The following CAND1 variants were observed in gnomAD, a reference collection of about 807,000 sequenced individuals.
CAND1 encodes cullin-associated NEDD8-dissociated protein 1.
CAND1 carries 7 observed loss-of-function variants against 108.5 expected under a neutral mutation model. The ratio of observed to expected loss-of-function variants is 0.06; its 90% CI spans 0.04 to 0.12. The LOEUF (loss-of-function observed/expected upper bound fraction) is 0.12, where lower values mean the gene tolerates loss of function less well. Ranked by LOEUF, CAND1 falls within the 10% of genes least tolerant of loss-of-function variation. The pLI, the probability that CAND1 is intolerant of heterozygous loss-of-function variation, is 1.00. For missense variants in CAND1, 941 were observed against 1,448.7 expected (o/e 0.65, Z 5.69); for synonymous variants, 534 against 512.0 (o/e 1.04, Z -0.58).
chr12:67,296,087 A>T (rs2044766151), intron 4 of CAND1, among the ~76,000 whole-genome samples: 1 of 152,246 alleles, frequency 6.6e-6, no homozygotes, highest in Non-Finnish European at 1.5e-5. Context: ...GAGAATGAAT[A>T]GAAAAGCAGT....
At chr12:67,294,460 TA>T (rs1231088574) in intron 3 of CAND1, among the ~76,000 whole-genome samples, 1 of 152,168 alleles carries the variant, frequency 6.6e-6, no homozygotes, top group East Asian at 1.9e-4. Context: ...CACTGAAGTT[TA>T]AAAGGCTAGT....
At chr12:67,301,848 A>G (rs1242153550) in intron 7 of CAND1, among the ~76,000 whole-genome samples, 1 of 152,124 alleles carries the variant, frequency 6.6e-6, no homozygotes, top group Non-Finnish European at 1.5e-5. Context: ...GGGATTGGTA[A>G]CCATTCTTTT....
chr12:67,316,782 G>T lies in CAND1; in HGVS notation c.*3952G>T, dbSNP rs2045011413. The T allele has an allele frequency of 6.6e-6, 1 of 152,134 alleles. No individual in the cohort carries two copies. The allele number at this position is 152,134 out of a possible 1,614,324, so 9.4% of individuals were successfully genotyped here. The stretch of plus-strand genomic sequence containing the variant: ...GATTAGGAAGTATTGGAATTAATTT[G>T]CTATTGCCAGTAAGTAATGGTTGAT... On this transcript the variant is annotated 3_prime_UTR_variant, in exon 15 of 15. Transcript: ENST00000545606.
rs534150306 is a variant in CAND1 at position 67,269,559 on chromosome 12, G to A, written c.-159G>A. The A allele has an allele frequency of 6.7e-6, 4 of 601,274 alleles. No individual in the cohort carries two copies. The highest frequency in any genetic ancestry group is 3.2e-5 in the East Asian group (1 of 30,882). 37.2% of individuals were successfully genotyped at this position (601,274 alleles called of 1,614,324 possible). A position where few individuals can be genotyped will look rare whatever the true frequency, so the allele number is the denominator to read the frequency against. On this transcript the variant is annotated 5_prime_UTR_variant, in exon 1 of 15. Coordinates refer to ENST00000545606, the MANE Select transcript of CAND1 (RefSeq NM_018448.5). The stretch of plus-strand genomic sequence containing the variant: ...CGCCTCGCCAGGGAGGGGGCAGCCC[G>A]TCGAGGCGCCTCCCTAGTCAGCGTC...
rs752347686 is a variant in CAND1 at position 67,306,206 on chromosome 12, G to A, written c.2538G>A (p.Gly846=). 4.3e-6 allele frequency: 7 copies of A among 1,613,966 alleles called. No homozygotes were observed. The highest frequency in any genetic ancestry group is 5.9e-6 in the Non-Finnish European group (7 of 1,180,016). Residue 846 remains glycine, a synonymous_variant, in exon 10 of 15, where the codon GGG becomes GGA. Coordinates refer to ENST00000545606, the MANE Select transcript of CAND1 (RefSeq NM_018448.5). ...CTCTACTTTCTCTTGGAGAAGTTGG[G>A]CATCATATTGACTTAAGTGGACAGT... ...LLALLSLGEV[G]HHIDLSGQLE...
Position 67,297,898 on chromosome 12 carries a change from A to T in CAND1, c.854+45A>T, listed in dbSNP as rs375833000. ...ATTTTTTACAAAAAGTTTTTCCTTA[A>T]GAGTAGAATCATAAGGTCTACATTA... is the stretch of plus-strand genomic sequence containing the variant. On this transcript the variant is annotated intron_variant, in intron 6 of 14. Coordinates refer to ENST00000545606, the MANE Select transcript of CAND1 (RefSeq NM_018448.5). 13 of 1,166,688 alleles carry T rather than the reference A, an allele frequency of 1.1e-5. No homozygotes were observed. The African/African-American group carries it at 1.7e-4, about 15-fold the overall frequency. The allele number at this position is 1,166,688 out of a possible 1,614,324, so 72.3% of individuals were successfully genotyped here. A position where few individuals can be genotyped will look rare whatever the true frequency, so the allele number is the denominator to read the frequency against.
Position 67,311,795 on chromosome 12 carries a change from A to G in CAND1, c.3463A>G (p.Thr1155Ala), listed in dbSNP as rs776666461. ...LVEPLRATCT[T>A]KVKANSVKQE... The stretch of plus-strand genomic sequence containing the variant: ...TGAGCCATTACGTGCAACATGTACA[A>G]CTAAGGTAAGAAATGATAAGTATCA... Residue 1155 changes from threonine (T) to alanine (A), a missense_variant, in exon 14 of 15, where the codon ACT becomes GCT. This residue lies in a region of CAND1 where 8 missense variants were observed against 35.9 expected (regional missense o/e 0.22). Transcript: ENST00000545606. The G allele has an allele frequency of 1.3e-6, 2 of 1,588,884 alleles. No homozygotes were observed. Among genetic ancestry groups the G allele is most frequent in the Admixed American group, 3.3e-5 (2 of 59,962 alleles).
chr12:67,293,749 G>C (rs1004337234), intron 3 of CAND1, among the ~76,000 whole-genome samples: 1 of 151,642 alleles, frequency 6.6e-6, no homozygotes, highest in Non-Finnish European at 1.5e-5. Flanking sequence ...GTGAAACTCC[G>C]TGTCAAAAAA....
chr12:67,306,927 A>G (rs1242896128), intron 10 of CAND1, among the ~76,000 whole-genome samples: 1 of 152,172 alleles, frequency 6.6e-6, no homozygotes, highest in African/African-American at 2.4e-5. Context: ...ACTAATTACA[A>G]TAAGTATAAT....
chr12:67,291,802 A>T (rs917083650), intron 2 of CAND1, among the ~76,000 whole-genome samples: 5 of 152,170 alleles, frequency 3.3e-5, no homozygotes, highest in Non-Finnish European at 5.9e-5. Flanking sequence ...TGCTAAATCT[A>T]TATGTTGGAT....
At chr12:67,294,012 G>A (rs1658780) in intron 3 of CAND1, among the ~76,000 whole-genome samples, 5 of 152,122 alleles carry the variant, frequency 3.3e-5, no homozygotes, top group Middle Eastern at 3.4e-3. Context: ...TCTTTTAATC[G>A]AAAAAGGATG....
intron 13 of CAND1, chr12:67,310,656 C>G (rs2044939378): frequency 6.0e-6 from 1 of 166,068 alleles, no homozygotes; most frequent in Non-Finnish European, 1.3e-5. Flanking sequence ...TTTGGCCTGT[C>G]TTAACATTGG....
chr12:67,309,359 G>A (rs896434647), intron 11 of CAND1, among the ~76,000 whole-genome samples: 6 of 151,792 alleles, frequency 4.0e-5, no homozygotes, highest in Admixed American at 2.0e-4. Context: ...CTGTGAATTC[G>A]TGTATTTCTT....
chr12:67,274,979 G>T (rs571346556), intron 1 of CAND1, among the ~76,000 whole-genome samples: 42 of 152,244 alleles, frequency 2.8e-4, no homozygotes, highest in African/African-American at 9.4e-4. Flanking sequence ...AGAAAAGCAG[G>T]TTTAATCAGA....
At chr12:67,272,787 C>T (rs1312115279) in intron 1 of CAND1, among the ~76,000 whole-genome samples, 1 of 152,108 alleles carries the variant, frequency 6.6e-6, no homozygotes, top group Non-Finnish European at 1.5e-5. Context: ...ACCTCCGCCT[C>T]CCAGGTTCAA....
At position 67,305,350 on chromosome 12, in the gene CAND1, C is replaced by G. The variant is rs752639388; in HGVS notation, c.1682C>G (p.Ala561Gly). Residue 561 changes from alanine (A) to glycine (G), a missense_variant, in exon 10 of 15, where the codon GCA becomes GGA. Physicochemically the swap from Ala to Gly is moderately conservative, Grantham distance 60. Around this residue, in one of 9 missense-constraint regions of CAND1, gnomAD observed 697 missense variants for 942.0 expected, o/e 0.74. Transcript: ENST00000545606. The surrounding 1 kb of genome is among the most constrained non-coding windows in gnomAD (Gnocchi z 4.4). ...RPLDQPSSFDATPYIKDLFTC... is the reference protein window; with the variant it reads ...RPLDQPSSFDGTPYIKDLFTC... ...TTAGATCAGCCTTCCTCGTTTGATG[C>G]AACTCCTTATATCAAAGATCTATTT... The G allele has an allele frequency of 6.2e-7, 1 of 1,614,048 alleles. No individual in the cohort carries two copies. Among genetic ancestry groups the G allele is most frequent in the Non-Finnish European group, 8.5e-7 (1 of 1,179,946 alleles).
intron 4 of CAND1, 134 bp from the exon 5 acceptor site, chr12:67,297,273 C>A: frequency 1.2e-6 from 1 of 833,120 alleles, no homozygotes. Context: ...TTTAATTTTT[C>A]TTTCACTATG....
chr12:67,281,330 C>CA (rs1168448397), intron 1 of CAND1, among the ~76,000 whole-genome samples: 3 of 150,050 alleles, frequency 2.0e-5, no homozygotes, highest in East Asian at 1.9e-4. Flanking sequence ...ACTCCCTCTA[C>CA]AAAAAAAAGA....
At chr12:67,284,779 C>G (rs905997985) in intron 2 of CAND1, among the ~76,000 whole-genome samples, 1 of 151,968 alleles carries the variant, frequency 6.6e-6, no homozygotes, top group South Asian at 2.1e-4. Flanking sequence ...AGCCCCCGCC[C>G]CCGACACACA....
Sources: gnomAD v4.1 joint callset for allele counts (sites outside exome capture counted in the v4.1 genomes callset) on GRCh38, gnomAD v4.1.1 for gene constraint, gnomAD v4.1.1 regional missense constraint, Gnocchi (gnomAD v3.1) non-coding constraint, MANE v1.5 for transcripts, NCBI Gene and HGNC (gene_info 2026-07-23, HGNC 2026-07-21) for gene names.